The following MRTO4 variants were observed in gnomAD, a reference collection of about 807,000 sequenced individuals.
MRTO4 encodes MRT4 homolog, ribosome maturation factor.
In MRTO4, 7 loss-of-function variants were observed where a neutral mutation model predicts 28.6. That is an observed-to-expected ratio of 0.24 (90% CI 0.14 to 0.46). The LOEUF (loss-of-function observed/expected upper bound fraction) is 0.46. MRTO4 is among the 20% of genes least tolerant of loss of function. MRTO4 has a pLI of 0.99. For missense variants in MRTO4, 302 were observed against 298.3 expected, an observed-to-expected ratio of 1.01 and a Z score of -0.09; for synonymous variants, 113 against 108.2, an observed-to-expected ratio of 1.04 and a Z score of -0.27.
intron 3 of MRTO4, among the ~76,000 whole-genome samples, chr1:19,256,489 C>A (rs2093671671): frequency 6.9e-6 from 1 of 145,464 alleles, no homozygotes; most frequent in South Asian, 2.1e-4. Context: ...GCACTCCAGC[C>A]TGGGTGACAG....
chr1:19,254,379 A>G (rs2093668483), intron 1 of MRTO4, among the ~76,000 whole-genome samples: 1 of 151,914 alleles, frequency 6.6e-6, no homozygotes, highest in Admixed American at 6.6e-5. Flanking sequence ...CCTGGGTGAC[A>G]GAGTGAGACC....
chr1:19,257,930 C>A lies in MRTO4; in HGVS notation c.439C>A (p.His147Asn), dbSNP rs760511737. Residue 147 changes from histidine to asparagine, a missense_variant, in exon 6 of 8, where the codon CAC (histidine) becomes AAC (asparagine). Physicochemically the swap from His to Asn is moderately conservative, Grantham distance 68. Coordinates refer to ENST00000330263, the MANE Select transcript of MRTO4 (RefSeq NM_016183.4). Reference protein sequence around the residue: ...LDPGPLEQFPHSMEPQLRQLG... With the variant: ...LDPGPLEQFPNSMEPQLRQLG... The stretch of plus-strand genomic sequence containing the variant: ...TCCAGGGCCCCTGGAGCAGTTCCCC[C>A]ACTCCATGGAGCCACAGCTCAGGCA... 3.5e-5 allele frequency: 57 copies of A among 1,613,980 alleles called. No homozygotes were observed. Among genetic ancestry groups the A allele is most frequent in the Non-Finnish European group, 3.6e-5 (43 of 1,180,054 alleles).
chr1:19,258,081 A>G, intron 6 of MRTO4, 97 bp downstream of exon 6: 2 of 1,448,646 alleles, frequency 1.4e-6, no homozygotes, highest in Non-Finnish European at 1.8e-6. Context: ...TATTTCTACA[A>G]GCTTCCATTT....
intron 1 of MRTO4, among the ~76,000 whole-genome samples, chr1:19,254,000 A>G (rs1268024328): frequency 6.6e-6 from 1 of 152,146 alleles, no homozygotes; most frequent in Admixed American, 6.5e-5. Context: ...TGGGGTGCAG[A>G]TACATACCAG....
chr1:19,255,350 A>G (rs1049875791), intron 2 of MRTO4, among the ~76,000 whole-genome samples: 1 of 151,908 alleles, frequency 6.6e-6, no homozygotes, highest in Non-Finnish European at 1.5e-5. Context: ...AGAAAAAAAA[A>G]CTAGCTGGAC....
At chr1:19,253,996 G>A (rs1486703114) in intron 1 of MRTO4, among the ~76,000 whole-genome samples, 1 of 152,140 alleles carries the variant, frequency 6.6e-6, no homozygotes, top group Non-Finnish European at 1.5e-5. Context: ...ATACTGGGGT[G>A]CAGATACATA....
chr1:19,257,004 C>A, intron 3 of MRTO4, 60 bp from the exon 4 acceptor site: 1 of 1,549,396 alleles, frequency 6.5e-7, no homozygotes, highest in Non-Finnish European at 8.9e-7. Context: ...TTGCATGTTG[C>A]TGAGGGATGG....
chr1:19,259,106 GAAA>G lies in MRTO4; in HGVS notation c.*283_*285del. The G allele has an allele frequency of 3.9e-6, 1 of 258,904 alleles. No individual in the cohort carries two copies. 16.0% of individuals were successfully genotyped at this position (258,904 alleles called of 1,614,324 possible). ...TGAAACCCCGTCTCTACTAAAAATAGAAAAAAAAACTAGTTGGGCATAGTGGCA... is the reference window on the plus strand; with the variant it reads ...TGAAACCCCGTCTCTACTAAAAATAGAAAAAACTAGTTGGGCATAGTGGCA... On this transcript the variant is annotated 3_prime_UTR_variant, in exon 8 of 8. Transcript: ENST00000330263.
At chr1:19,257,768 G>A (rs993555305) in intron 5 of MRTO4, 65 bp from the exon 6 acceptor site, 1 of 1,584,074 alleles carries the variant, frequency 6.3e-7, no homozygotes, top group Non-Finnish European at 8.6e-7. Context: ...ACTTGGGGGA[G>A]CCTGACTCAT....
At chr1:19,254,430 C>T (rs1290513840) in intron 1 of MRTO4, among the ~76,000 whole-genome samples, 2 of 151,982 alleles carry the variant, frequency 1.3e-5, no homozygotes, top group Non-Finnish European at 2.9e-5. Context: ...CCTGCCTCAG[C>T]CAGCAGGTGA....
Position 19,257,816 on chromosome 1 carries a change from C to T in MRTO4, c.342-17C>T. On this transcript the variant is annotated splice_polypyrimidine_tract_variant and intron_variant, in intron 5 of 7. Coordinates refer to ENST00000330263, the MANE Select transcript of MRTO4 (RefSeq NM_016183.4). ...TGGCCAGGAGCATCTCCTCCTACCACTTCTCTTTTCCCTTAGGTGGTTCAC... is the reference window on the plus strand; with the variant it reads ...TGGCCAGGAGCATCTCCTCCTACCATTTCTCTTTTCCCTTAGGTGGTTCAC... The T allele has an allele frequency of 6.2e-7, 1 of 1,611,612 alleles. No homozygotes were observed. The highest frequency in any genetic ancestry group is 8.5e-7 in the Non-Finnish European group (1 of 1,179,490).
At position 19,253,170 on chromosome 1, in the gene MRTO4, T is replaced by C. The variant is rs376126946; in HGVS notation, c.28+1307T>C. 3.9e-5 allele frequency among the ~76,000 whole-genome samples: 6 copies of C among 152,318 alleles called. No individual in the cohort carries two copies. In the East Asian group the frequency reaches 9.6e-4, roughly 24 times the overall value. ...AAAATGGGGTGAAGAGATGTTGATA[T>C]TTTGTATAGTGTGGTCGGGAAAGGT... On this transcript the variant is annotated intron_variant, in intron 1 of 7. Transcript: ENST00000330263.
chr1:19,258,351 G>T, intron 6 of MRTO4, 126 bp from the exon 7 acceptor site: 1 of 1,160,338 alleles, frequency 8.6e-7, no homozygotes, highest in Non-Finnish European at 1.3e-6. Flanking sequence ...GACAGCCACT[G>T]CCCAGTGTGT....
Position 19,257,525 on chromosome 1 carries a change from A to C in MRTO4, c.341+4A>C, listed in dbSNP as rs540229790. On this transcript the variant is annotated splice_donor_region_variant and intron_variant, in intron 5 of 7. Coordinates refer to ENST00000330263, the MANE Select transcript of MRTO4 (RefSeq NM_016183.4). ...GCACAAAGGAGGAGGTGAATGAGTA[A>C]GTACTGCTGAGGAACGGAGGGAAAG... is the stretch of plus-strand genomic sequence containing the variant. The C allele has an allele frequency of 6.2e-7, 1 of 1,614,164 alleles. No homozygotes were observed. The highest frequency in any genetic ancestry group is 1.1e-5 in the South Asian group (1 of 91,088).
chr1:19,256,140 T>C (rs1166463856), intron 3 of MRTO4, 89 bp downstream of exon 3: 3 of 1,134,044 alleles, frequency 2.6e-6, no homozygotes, highest in South Asian at 1.3e-5. Context: ...TCTGACCCTT[T>C]AGGTGCCTGG....
chr1:19,256,908 C>T (rs2093672270), intron 3 of MRTO4, among the ~76,000 whole-genome samples, 156 bp from the exon 4 acceptor site: 2 of 152,142 alleles, frequency 1.3e-5, no homozygotes, highest in South Asian at 4.1e-4. Flanking sequence ...GGGACCCCAA[C>T]GTGGGGACAG....
At chr1:19,257,661 AC>A in intron 5 of MRTO4, 140 bp downstream of exon 5, 1 of 1,348,168 alleles carries the variant, frequency 7.4e-7, no homozygotes, top group South Asian at 1.2e-5. Flanking sequence ...GTGGCCTGGG[AC>A]CACAGCCCTC....
rs575569680 is a variant in MRTO4, at chr1:19,255,815, A to C, written c.88-133A>C. ...CAGTAATGGAGGTAGGAGACAACCAAATTAGAGGCCTCCAGTTCTTCCAGT... is the reference window on the plus strand; with the variant it reads ...CAGTAATGGAGGTAGGAGACAACCACATTAGAGGCCTCCAGTTCTTCCAGT... On this transcript the variant is annotated intron_variant, in intron 2 of 7. Transcript: ENST00000330263. 20 of 722,158 alleles carry C rather than the reference A, an allele frequency of 2.8e-5. 1 individual carries two copies. The South Asian group carries it at 3.3e-4, about 12-fold the overall frequency. 44.7% of individuals were successfully genotyped at this position (722,158 alleles called of 1,614,324 possible). A position where few individuals can be genotyped will look rare whatever the true frequency, so the allele number is the denominator to read the frequency against.
intron 5 of MRTO4, 100 bp from the exon 6 acceptor site, chr1:19,257,733 G>C: frequency 6.7e-7 from 1 of 1,501,350 alleles, no homozygotes; most frequent in South Asian, 1.2e-5. Flanking sequence ...GGTCTGTGAT[G>C]GGGGAAGGCC....
Sources: gnomAD v4.1 joint callset for allele counts (sites outside exome capture counted in the v4.1 genomes callset) on GRCh38, gnomAD v4.1.1 for gene constraint, MANE v1.5 for transcripts, NCBI Gene and HGNC (gene_info 2026-07-23, HGNC 2026-07-21) for gene names.